MAP4: variants seen among roughly 807,000 people sequenced by gnomAD.
MAP4 encodes the protein microtubule associated protein 4, also known as microtubule-associated protein 4.
A neutral mutation model predicts 170.2 loss-of-function variants in MAP4; 76 were observed. The ratio of observed to expected loss-of-function variants is 0.45; its 90% CI spans 0.37 to 0.54. The LOEUF is 0.54. MAP4 is among the 20% of genes least tolerant of loss of function. MAP4 has a pLI of 0.00. For synonymous variants in MAP4, 909 were observed against 994.5 expected (o/e 0.91, Z 1.62); for missense variants, 2,506 against 2,748.0 (o/e 0.91, Z 1.97).
chr3:47,928,113 T>C (rs1288554634), intron 4 of MAP4, 115 bp downstream of exon 4: 1 of 1,260,110 alleles, frequency 7.9e-7, no homozygotes, highest in Non-Finnish European at 1.1e-6. Context: ...AATGCTAAGG[T>C]TGTACTTTGT....
chr3:47,998,837 A>G lies in MAP4; in HGVS notation c.24T>C (p.Asp8=). Residue 8 remains aspartate (D), a synonymous_variant, in exon 2 of 21, where the codon GAT becomes GAC. Transcript: ENST00000683076. MADLSLA[D]ALTEPSPDIE... is the part of the protein sequence containing the mutation. ...TGTCTGGAGATGGTTCTGTTAATGCATCTGCAAGACTGAGGTCAGCCATTC... is the reference window on the plus strand; with the variant it reads ...TGTCTGGAGATGGTTCTGTTAATGCGTCTGCAAGACTGAGGTCAGCCATTC... 6.2e-7 allele frequency: 1 copy of G among 1,614,180 alleles called. No individual in the cohort carries two copies. The highest frequency in any genetic ancestry group is 8.5e-7 in the Non-Finnish European group (1 of 1,180,000).
intron 10 of MAP4, among the ~76,000 whole-genome samples, chr3:47,881,626 C>A (rs956366985): frequency 6.6e-6 from 1 of 150,934 alleles, no homozygotes; most frequent in African/African-American, 2.4e-5. Flanking sequence ...ATAGCATATA[C>A]TTGGGCAATT....
chr3:48,077,043 A>G (rs2100144291), intron 1 of MAP4, among the ~76,000 whole-genome samples: 1 of 152,128 alleles, frequency 6.6e-6, no homozygotes, highest in Admixed American at 6.6e-5. Flanking sequence ...GCTATCCAGA[A>G]GGCTGAGGTG....
Position 47,871,050 on chromosome 3 carries a change from A to AGTGGTGGTTTTC in MAP4, c.6045_6056dup (p.Lys2016_Thr2019dup), listed in dbSNP as rs771523876. On this transcript the variant is annotated inframe_insertion, in exon 15 of 21. Coordinates refer to ENST00000683076, the MANE Select transcript of MAP4 (RefSeq NM_001385682.1). ...CTGCAGCGGGGGCTGTCCCACTGAG[A>AGTGGTGGTTTTC]GTGGTGGTTTTCTTCATGGAACTGG... 3 of 1,612,412 alleles carry AGTGGTGGTTTTC rather than the reference A, an allele frequency of 1.9e-6. No homozygotes were observed. In the African/African-American group the frequency reaches 4.0e-5, roughly 22 times the overall value.
At chr3:48,033,360 C>T (rs2100117151) in intron 1 of MAP4, among the ~76,000 whole-genome samples, 1 of 152,176 alleles carries the variant, frequency 6.6e-6, no homozygotes, top group Admixed American at 6.6e-5. Flanking sequence ...TTCTATTTAA[C>T]TATCAGTTAT....
intron 10 of MAP4, chr3:47,892,542 A>C: frequency 6.8e-7 from 1 of 1,461,762 alleles, no homozygotes; most frequent in Non-Finnish European, 9.0e-7. Context: ...CTCTAATACC[A>C]CCTACGATCA....
chr3:47,884,094 GCTCCT>G (rs1261505096), intron 10 of MAP4, among the ~76,000 whole-genome samples: 2 of 152,100 alleles, frequency 1.3e-5, no homozygotes, highest in Admixed American at 6.6e-5. Context: ...TTGCATCCTT[GCTCCT>G]CTCCTGAGAT....
chr3:47,899,429 C>T (rs1356445553), intron 10 of MAP4, among the ~76,000 whole-genome samples: 1 of 152,184 alleles, frequency 6.6e-6, no homozygotes, highest in Non-Finnish European at 1.5e-5. Flanking sequence ...TGTGAACCAC[C>T]GCACCCGGCC....
At chr3:47,886,125 C>T (rs1025619305) in intron 10 of MAP4, among the ~76,000 whole-genome samples, 1 of 152,186 alleles carries the variant, frequency 6.6e-6, no homozygotes, top group African/African-American at 2.4e-5. Flanking sequence ...ATAAGTTCAG[C>T]ATTTTTCAGT....
chr3:47,883,856 A>T (rs1288574492), intron 10 of MAP4, among the ~76,000 whole-genome samples: 10 of 152,114 alleles, frequency 6.6e-5, no homozygotes, highest in Admixed American at 6.5e-4. Flanking sequence ...CAGCACCATA[A>T]GGAAGGTTAA....
intron 3 of MAP4, among the ~76,000 whole-genome samples, chr3:47,966,608 T>C (rs1442877257): frequency 1.3e-5 from 2 of 152,060 alleles, no homozygotes; most frequent in Admixed American, 6.6e-5. Context: ...CTTGAACTCC[T>C]TGCCTCAAGC....
rs1875103 is a variant in MAP4 at position 47,852,611 on chromosome 3, C to T, written c.*323G>A. 0.12 allele frequency: 96,449 copies of T among 834,322 alleles called. 6,718 individuals are homozygous for T. The highest frequency in any genetic ancestry group is 0.14 in the Non-Finnish European group (77,398 of 557,974). The allele number at this position is 834,322 out of a possible 1,614,324, so 51.7% of individuals were successfully genotyped here. On this transcript the variant is annotated 3_prime_UTR_variant, in exon 21 of 21. Coordinates refer to ENST00000683076, the MANE Select transcript of MAP4 (RefSeq NM_001385682.1). ...ACTTAGCCTCAACCACCCCAACCCC[C>T]TCCCAACCTCCTCCACGGAGCAGTG...
chr3:48,034,675 C>G (rs949310020), intron 1 of MAP4, among the ~76,000 whole-genome samples: 1 of 151,732 alleles, frequency 6.6e-6, no homozygotes, highest in South Asian at 2.1e-4. Context: ...CACACTCCAC[C>G]CTGGGCGACA....
chr3:47,886,808 G>A (rs865816506), intron 10 of MAP4, among the ~76,000 whole-genome samples: 1 of 152,152 alleles, frequency 6.6e-6, no homozygotes. Context: ...CCAAATTCCA[G>A]TTTCACTTTA....
At position 48,054,661 on chromosome 3, in the gene MAP4, A is replaced by G. The variant is rs1283423852; in HGVS notation, c.-20+34112T>C. Among the ~76,000 whole-genome samples the G allele has an allele frequency of 1.4e-4, 18 of 132,926 alleles. No homozygotes were observed. In the East Asian group the frequency reaches 3.5e-3, roughly 26 times the overall value. 87.2% of individuals were successfully genotyped at this position (132,926 alleles called of 152,430 possible). On this transcript the variant is annotated intron_variant, in intron 1 of 18. Transcript: ENST00000360240. ...AAAAAAAAAAAAAAAAAAAAAAATT[A>G]GCTGGCCATGGTGGCGGGCTCCTGT...
At chr3:47,973,157 G>T in intron 3 of MAP4, 1 of 983,648 alleles carries the variant, frequency 1.0e-6, no homozygotes, top group Non-Finnish European at 1.2e-6. Flanking sequence ...TATACAAACT[G>T]TTGAAGTCCA....
chr3:47,942,423 T>C (rs1438775051), intron 3 of MAP4, among the ~76,000 whole-genome samples: 1 of 152,140 alleles, frequency 6.6e-6, no homozygotes, highest in Non-Finnish European at 1.5e-5. Flanking sequence ...CTTTGTTGCC[T>C]AGGCTGGAGT....
At chr3:47,878,524 A>T (rs1426605901) in intron 10 of MAP4, among the ~76,000 whole-genome samples, 1 of 152,172 alleles carries the variant, frequency 6.6e-6, no homozygotes, top group African/African-American at 2.4e-5. Flanking sequence ...TAAGAAAAAT[A>T]AAAAAACCCC....
At chr3:47,862,745 G>A (rs910001270) in intron 17 of MAP4, among the ~76,000 whole-genome samples, 1 of 152,030 alleles carries the variant, frequency 6.6e-6, no homozygotes, top group Non-Finnish European at 1.5e-5. Flanking sequence ...CCAAATTGCT[G>A]GGATTACAGG....
Sources: allele counts gnomAD v4.1 joint callset (sites outside exome capture counted in the v4.1 genomes callset), GRCh38; gene constraint gnomAD v4.1.1; transcripts MANE v1.5; gene names NCBI Gene and HGNC (gene_info 2026-07-23, HGNC 2026-07-21).